LRRC37B: variants seen among roughly 807,000 people sequenced by gnomAD.
The protein encoded by LRRC37B is leucine-rich repeat-containing protein 37B.
Under a neutral mutation model 98.3 loss-of-function variants are expected in LRRC37B, and 28 were observed. The ratio of observed to expected loss-of-function variants is 0.28; its 90% CI spans 0.21 to 0.39. The LOEUF is 0.39. Ranked by LOEUF, LRRC37B falls within the 10% of genes least tolerant of loss-of-function variation. The probability of loss-of-function intolerance (pLI) is 1.00; values close to 1 mark genes in which losing one functional copy is unlikely to be tolerated. For synonymous variants in LRRC37B, 364 were observed against 442.7 expected (o/e 0.82, Z 2.23); for missense variants, 938 against 1,182.7 (o/e 0.79, Z 3.03).
At chr17:32,008,160 C>T (rs767381368) in intron 1 of LRRC37B, 28 bp downstream of exon 1, 1 of 286,172 alleles carries the variant, frequency 3.5e-6, no homozygotes, top group Non-Finnish European at 7.2e-6. Context: ...TTGCTGCAGA[C>T]TCATTCCCCA....
chr17:32,041,240 G>C, intron 7 of LRRC37B: 2 of 769,796 alleles, frequency 2.6e-6, no homozygotes, highest in Non-Finnish European at 4.8e-6. Context: ...AGTCCAATGG[G>C]GGCTTCCCCT....
rs764221319 is a variant in LRRC37B at position 32,027,849 on chromosome 17, G to C, written c.1904+9G>C. 5.1e-5 allele frequency: 82 copies of C among 1,598,278 alleles called. No homozygotes were observed. The highest frequency in any genetic ancestry group is 6.4e-5 in the Non-Finnish European group (75 of 1,173,664). Reference sequence around the variant, plus strand: ...CTATACCTCCAGTATTTGTAAGTTAGTTAATCATATTTTTGAGTTTTTAGT... The same window carrying C: ...CTATACCTCCAGTATTTGTAAGTTACTTAATCATATTTTTGAGTTTTTAGT... On this transcript the variant is annotated intron_variant, in intron 3 of 11. Transcript: ENST00000327564.
rs183194059 is a variant in LRRC37B at position 32,010,133 on chromosome 17, C to G, written c.-191+2001C>G. Among the ~76,000 whole-genome samples the G allele has an allele frequency of 7.2e-4, 109 of 152,256 alleles. 1 individual carries two copies. The highest frequency in any genetic ancestry group is 8.4e-4 in the Non-Finnish European group (57 of 68,004). ...CTGCTTTACCACATTTTTTCTTTTA[C>G]AGATTTGTTGTTCATCTAACAACTC... On this transcript the variant is annotated intron_variant, in intron 1 of 14. Coordinates refer to the LRRC37B transcript ENST00000543378.
At chr17:32,033,696 A>C (rs1291319176) in intron 5 of LRRC37B, among the ~76,000 whole-genome samples, 1 of 152,206 alleles carries the variant, frequency 6.6e-6, no homozygotes, top group East Asian at 1.9e-4. Flanking sequence ...TTTTCTGCAA[A>C]AGTACAGTGA....
chr17:32,029,427 G>A (rs760314343), intron 3 of LRRC37B, among the ~76,000 whole-genome samples: 25 of 152,164 alleles, frequency 1.6e-4, no homozygotes, highest in Non-Finnish European at 3.2e-4. Context: ...GAAAAAATGG[G>A]ATGAACAATA....
rs757559692 is a variant in LRRC37B, at chr17:32,022,695, A to G, written c.1630A>G (p.Ser544Gly). 4.6e-5 allele frequency: 74 copies of G among 1,613,980 alleles called. 1 individual carries two copies. Among genetic ancestry groups the G allele is most frequent in the East Asian group, 3.3e-4 (15 of 44,880 alleles). ...ACCAGAGGAACAGAAGGCCTCCACA[A>G]GCACCAACATATGTGAGCTCTGCAC... The change falls in exon 1 of 12, where the codon AGC becomes GGC. Residue 544 changes from serine (S) to glycine (G), a missense_variant. Transcript: ENST00000327564.
At chr17:32,026,085 T>G (rs1910944518) in intron 2 of LRRC37B, among the ~76,000 whole-genome samples, 1 of 152,252 alleles carries the variant, frequency 6.6e-6, no homozygotes, top group African/African-American at 2.4e-5. Flanking sequence ...CTTCCTGATT[T>G]ATAGAAGGAA....
At chr17:32,049,387 C>T in exon 10 of LRRC37B, 1 of 1,608,840 alleles carries the variant, frequency 6.2e-7, no homozygotes. Context: ...GAGCAGAAGT[C>T]AAGTGAGGTG....
rs768271994 is a variant in LRRC37B, at chr17:32,021,534, A to G, written c.469A>G (p.Arg157Gly). ...AAATGACAAGCGGACTCCAGAAGAA[A>G]GGCTCCCAGAGGTGGTTCCGCTTCT... is the stretch of plus-strand genomic sequence containing the variant. The change falls in exon 1 of 12, where the codon AGG (arginine) becomes GGG (glycine). Residue 157 changes from arginine to glycine, a missense_variant. This residue lies in a region of LRRC37B where 610 missense variants were observed against 625.6 expected (regional missense o/e 0.98). Coordinates refer to ENST00000327564, the Ensembl canonical transcript of LRRC37B. 7.4e-6 allele frequency: 12 copies of G among 1,613,886 alleles called. No individual in the cohort carries two copies. The African/African-American group carries it at 9.3e-5, about 13-fold the overall frequency.
intron 7 of LRRC37B, among the ~76,000 whole-genome samples, chr17:32,037,350 C>T (rs950315246): frequency 1.3e-5 from 2 of 151,928 alleles, no homozygotes; most frequent in African/African-American, 4.8e-5. Flanking sequence ...ACTGCAACCT[C>T]GGCCTCCCAG....
intron 4 of LRRC37B, among the ~76,000 whole-genome samples, 193 bp downstream of exon 7, chr17:32,030,920 G>A (rs984862942): frequency 6.6e-6 from 1 of 152,106 alleles, no homozygotes; most frequent in Admixed American, 6.6e-5. Flanking sequence ...AATCATCAGA[G>A]AGCAGTGGTT....
At chr17:32,026,277 G>T (rs1910949463) in intron 2 of LRRC37B, among the ~76,000 whole-genome samples, 1 of 152,210 alleles carries the variant, frequency 6.6e-6, no homozygotes, top group Non-Finnish European at 1.5e-5. Context: ...CACCTCGGGA[G>T]TTCGAGGCAG....
At chr17:32,035,575 A>G (rs1911223035) in exon 7 of LRRC37B, 1 of 1,612,470 alleles carries the variant, frequency 6.2e-7, no homozygotes, top group Admixed American at 1.7e-5. Flanking sequence ...AGACATGGGA[A>G]CAACACACAT....
intron 7 of LRRC37B, chr17:32,042,812 C>A: frequency 2.4e-5 from 3 of 123,468 alleles, no homozygotes; most frequent in East Asian, 2.4e-4. Flanking sequence ...ATTTTGTAAA[C>A]AGAAGTATTA....
exon 1 of LRRC37B, chr17:32,021,762 G>T: frequency 6.2e-7 from 1 of 1,614,224 alleles, no homozygotes; most frequent in Non-Finnish European, 8.5e-7. Flanking sequence ...TCCTGAGATT[G>T]TTGGGATTCC....
intron 5 of LRRC37B, among the ~76,000 whole-genome samples, chr17:32,031,860 G>A (rs1911120962): frequency 6.6e-6 from 1 of 152,094 alleles, no homozygotes; most frequent in South Asian, 2.1e-4. Context: ...AAAAAAATTA[G>A]CTGGGCGTAG....
At chr17:32,043,632 T>C (rs1486858017) in intron 7 of LRRC37B, among the ~76,000 whole-genome samples, 1 of 152,204 alleles carries the variant, frequency 6.6e-6, no homozygotes, top group African/African-American at 2.4e-5. Flanking sequence ...TGGTTCTGGG[T>C]ACATTCAATC....
intron 11 of LRRC37B, chr17:32,052,984 T>C (rs1053470367): frequency 9.8e-6 from 3 of 305,706 alleles, no homozygotes; most frequent in Admixed American, 5.3e-5. Context: ...GGGGGGTGTG[T>C]TGGTTATATG....
chr17:32,049,154 C>G, exon 10 of LRRC37B: 1 of 1,613,910 alleles, frequency 6.2e-7, no homozygotes, highest in South Asian at 1.1e-5. Flanking sequence ...TCATCCCCAA[C>G]GAGGATGTGA....
Sources: gnomAD v4.1 joint callset for allele counts (sites outside exome capture counted in the v4.1 genomes callset) on GRCh38, gnomAD v4.1.1 for gene constraint, gnomAD v4.1.1 regional missense constraint, MANE v1.5 for transcripts, NCBI Gene and HGNC (gene_info 2026-07-23, HGNC 2026-07-21) for gene names.